The following GHR variants were observed in gnomAD, a reference collection of about 807,000 sequenced individuals.
The protein encoded by GHR is GH receptor.
GHR carries 35 observed loss-of-function variants against 67.1 expected under a neutral mutation model. The observed-to-expected ratio is 0.52, with a 90% CI of 0.40 to 0.69. GHR has a LOEUF of 0.69. Ranked by LOEUF, GHR falls within the 30% of genes least tolerant of loss-of-function variation. The probability of loss-of-function intolerance (pLI) is 0.00; values close to 1 mark genes in which losing one functional copy is unlikely to be tolerated. For synonymous variants in GHR, 272 were observed against 269.1 expected (o/e 1.01, Z -0.10); for missense variants, 792 against 764.6 (o/e 1.04, Z -0.42).
At chr5:42,535,911 T>A (rs1161868177) in intron 1 of GHR, among the ~76,000 whole-genome samples, 11 of 152,060 alleles carry the variant, frequency 7.2e-5, no homozygotes. Flanking sequence ...TTATTTTTTA[T>A]TTTTTTGGCA....
At position 42,663,443 on chromosome 5, in the gene GHR, T is replaced by C. The variant is rs1258313632; in HGVS notation, c.137-25447T>C. Among the ~76,000 whole-genome samples the C allele has an allele frequency of 3.3e-5, 5 of 152,138 alleles. No individual in the cohort carries two copies. In the East Asian group the frequency reaches 7.7e-4, roughly 23 times the overall value. The stretch of plus-strand genomic sequence containing the variant: ...TGGGATGCAAGGCTGGTTCAATATT[T>C]GCAAATCAATAAATGTAATCCAGCA... On this transcript the variant is annotated intron_variant, in intron 3 of 9. Transcript: ENST00000230882.
chr5:42,706,885 A>G (rs1758202029), intron 6 of GHR, among the ~76,000 whole-genome samples: 1 of 151,990 alleles, frequency 6.6e-6, no homozygotes, highest in African/African-American at 2.4e-5. Flanking sequence ...TTTTGCTTCC[A>G]TATGAATTTT....
chr5:42,642,807 G>T (rs1754545177), intron 3 of GHR, among the ~76,000 whole-genome samples: 1 of 152,102 alleles, frequency 6.6e-6, no homozygotes. Flanking sequence ...CCTTCTGGAG[G>T]CTCTGAGGAA....
At chr5:42,438,942 C>T (rs146430799) in intron 1 of GHR, among the ~76,000 whole-genome samples, 67 of 152,220 alleles carry the variant, frequency 4.4e-4, no homozygotes, top group South Asian at 8.3e-4. Context: ...TAATTTGTTA[C>T]GCAGCAATAG....
chr5:42,636,562 T>C (rs1286043376), intron 3 of GHR, among the ~76,000 whole-genome samples: 2 of 151,904 alleles, frequency 1.3e-5, no homozygotes, highest in Non-Finnish European at 3.0e-5. Context: ...GAGAGAGCCC[T>C]AGCTTCTGCA....
intron 2 of GHR, among the ~76,000 whole-genome samples, chr5:42,587,452 G>A (rs1311164559): frequency 2.0e-5 from 3 of 152,094 alleles, no homozygotes; most frequent in Non-Finnish European, 4.4e-5. Flanking sequence ...AAGCCAGAAA[G>A]GATAAATTTT....
intron 1 of GHR, among the ~76,000 whole-genome samples, chr5:42,513,414 C>G (rs4866931): frequency 6.6e-6 from 1 of 151,970 alleles, no homozygotes; most frequent in Non-Finnish European, 1.5e-5. Flanking sequence ...TTAGCAGCCC[C>G]ACTCAGGGCC....
At chr5:42,705,779 C>A (rs1407244643) in intron 6 of GHR, among the ~76,000 whole-genome samples, 3 of 152,086 alleles carry the variant, frequency 2.0e-5, no homozygotes, top group Non-Finnish European at 4.4e-5. Context: ...TGTACATATA[C>A]CACATTTCCT....
intron 3 of GHR, among the ~76,000 whole-genome samples, chr5:42,662,485 CA>C (rs1755698845): frequency 6.6e-6 from 1 of 152,190 alleles, no homozygotes; most frequent in African/African-American, 2.4e-5. Flanking sequence ...GGAAACTGAA[CA>C]ACCTGGTCCT....
At chr5:42,716,168 T>TA (rs1758710781) in intron 8 of GHR, among the ~76,000 whole-genome samples, 3 of 147,272 alleles carry the variant, frequency 2.0e-5, no homozygotes, top group Non-Finnish European at 3.0e-5. Context: ...AGATGCAGAA[T>TA]CAAAAAAAAA....
intron 1 of GHR, chr5:42,467,019 T>A: frequency 6.4e-7 from 1 of 1,565,870 alleles, no homozygotes; most frequent in Non-Finnish European, 8.8e-7. Flanking sequence ...TCAACCTCTG[T>A]CTGAAGGCCT....
Position 42,681,434 on chromosome 5 carries a change from C to T in GHR, c.137-7456C>T, listed in dbSNP as rs533567008. On this transcript the variant is annotated intron_variant, in intron 3 of 9. Transcript: ENST00000230882. ...TACCATTTCACACCAGTTAGAATGG[C>T]GATCGTTAAAAAGTCAGGAAACAAC... Among the ~76,000 whole-genome samples the T allele has an allele frequency of 2.8e-3, 420 of 152,144 alleles. 3 individuals carry two copies. Among genetic ancestry groups the T allele is most frequent in the African/African-American group, 9.9e-3 (409 of 41,486 alleles).
chr5:42,474,192 AAG>A (rs946023949), intron 1 of GHR, among the ~76,000 whole-genome samples: 4 of 150,958 alleles, frequency 2.6e-5, no homozygotes, highest in African/African-American at 4.9e-5. Flanking sequence ...CAGTCTCTGA[AAG>A]AGAGAGAGAG....
chr5:42,607,910 T>A (rs1166857766), intron 2 of GHR, among the ~76,000 whole-genome samples: 1 of 152,220 alleles, frequency 6.6e-6, no homozygotes, highest in Non-Finnish European at 1.5e-5. Context: ...CTTTCAAGAT[T>A]TCCTGGCAAA....
intron 1 of GHR, among the ~76,000 whole-genome samples, chr5:42,530,555 A>G (rs752502686): frequency 3.9e-5 from 6 of 152,200 alleles, no homozygotes; most frequent in Non-Finnish European, 5.9e-5. Flanking sequence ...AATGGTGACT[A>G]TGTTAGAATT....
chr5:42,712,455 T>C (rs1403370195), intron 7 of GHR, among the ~76,000 whole-genome samples: 1 of 152,176 alleles, frequency 6.6e-6, no homozygotes, highest in Non-Finnish European at 1.5e-5. Context: ...GTTATTTTCC[T>C]GAATATGTCA....
At chr5:42,465,349 C>T in intron 1 of GHR, 2 of 813,780 alleles carry the variant, frequency 2.5e-6, no homozygotes, top group Non-Finnish European at 4.1e-6. Flanking sequence ...AGTTATTACC[C>T]ACCAGTAAGA....
intron 8 of GHR, among the ~76,000 whole-genome samples, chr5:42,716,581 A>G (rs572138378): frequency 6.6e-6 from 1 of 152,352 alleles, no homozygotes; most frequent in East Asian, 1.9e-4. Flanking sequence ...ACCTTAATTT[A>G]GTGACCCATA....
intron 1 of GHR, among the ~76,000 whole-genome samples, chr5:42,439,089 G>A (rs1743457112): frequency 6.6e-6 from 1 of 152,076 alleles, no homozygotes; most frequent in Admixed American, 6.5e-5. Flanking sequence ...AATTTAAGTA[G>A]TAAAATATTA....
Sources: allele counts gnomAD v4.1 joint callset (sites outside exome capture counted in the v4.1 genomes callset), GRCh38; gene constraint gnomAD v4.1.1; transcripts MANE v1.5; gene names NCBI Gene and HGNC (gene_info 2026-07-23, HGNC 2026-07-21).